The following ADD3 variants were observed in gnomAD, a reference collection of about 807,000 sequenced individuals.
ADD3 encodes the protein gamma-adducin.
A neutral mutation model predicts 80.2 loss-of-function variants in ADD3; 25 were observed. That is an observed-to-expected ratio of 0.31 (90% CI 0.23 to 0.44). The LOEUF is 0.44. Among genes scored for constraint, ADD3 ranks in the 20% least tolerant of loss-of-function variants. The probability of loss-of-function intolerance (pLI) is 1.00; values close to 1 mark genes in which losing one functional copy is unlikely to be tolerated. For missense variants in ADD3, 829 were observed against 847.5 expected (o/e 0.98, Z 0.27); for synonymous variants, 284 against 289.6 (o/e 0.98, Z 0.20).
intron 1 of ADD3, among the ~76,000 whole-genome samples, chr10:110,069,485 T>A (rs1844404657): frequency 6.6e-6 from 1 of 152,198 alleles, no homozygotes; most frequent in Non-Finnish European, 1.5e-5. Flanking sequence ...ATCAACAGCT[T>A]TCTGGGCCAG....
chr10:110,070,057 A>G (rs1455258832), intron 1 of ADD3, among the ~76,000 whole-genome samples: 1 of 152,240 alleles, frequency 6.6e-6, no homozygotes, highest in Non-Finnish European at 1.5e-5. Flanking sequence ...TTATTAAAAC[A>G]TATATTGTCT....
At chr10:110,093,316 C>A (rs74154975) in intron 1 of ADD3, among the ~76,000 whole-genome samples, 1,618 of 152,280 alleles carry the variant, frequency 0.011, 32 homozygotes, top group African/African-American at 0.038. Context: ...AGACCAATTT[C>A]TATTACCACT....
chr10:110,075,282 G>A (rs771095983), intron 1 of ADD3, among the ~76,000 whole-genome samples: 28 of 151,980 alleles, frequency 1.8e-4, no homozygotes, highest in Admixed American at 1.3e-4. Context: ...ATTCAGAAGG[G>A]AGAATATTTT....
chr10:110,032,019 T>G (rs1004526192), intron 1 of ADD3, among the ~76,000 whole-genome samples: 3 of 152,120 alleles, frequency 2.0e-5, no homozygotes, highest in South Asian at 2.1e-4. Context: ...CTTTCTCACC[T>G]GGAAAATCAG....
chr10:110,022,435 A>G (rs1449733149), intron 1 of ADD3, among the ~76,000 whole-genome samples: 1 of 152,170 alleles, frequency 6.6e-6, no homozygotes, highest in South Asian at 2.1e-4. Context: ...ATTACCTTTC[A>G]TATACCACTT....
chr10:110,056,993 T>C (rs1409786872), intron 1 of ADD3, among the ~76,000 whole-genome samples: 1 of 152,210 alleles, frequency 6.6e-6, no homozygotes, highest in East Asian at 1.9e-4. Context: ...TGAAAGTTCT[T>C]TGGATTCCTG....
rs936534032 is a variant in ADD3 at position 110,118,269 on chromosome 10, G to C, written c.568-318G>C. ...AGCCAATTCTATACATGCCAGACTT[G>C]TTCAGACCTCCGATGAAGAGCTTAA... is the stretch of plus-strand genomic sequence containing the variant. On this transcript the variant is annotated intron_variant, in intron 5 of 14. Transcript: ENST00000356080. Among the ~76,000 whole-genome samples, 3 of 152,174 alleles carry C rather than the reference G, an allele frequency of 2.0e-5. No homozygotes were observed. In the South Asian group the frequency reaches 6.2e-4, roughly 31 times the overall value.
chr10:110,055,048 A>G (rs1479632940), intron 1 of ADD3, among the ~76,000 whole-genome samples: 1 of 152,230 alleles, frequency 6.6e-6, no homozygotes, highest in East Asian at 1.9e-4. Flanking sequence ...AGCATGAGCC[A>G]CCGCACCCAG....
chr10:110,037,371 G>A (rs1042253211), intron 1 of ADD3, among the ~76,000 whole-genome samples: 2 of 152,228 alleles, frequency 1.3e-5, no homozygotes, highest in Non-Finnish European at 2.9e-5. Flanking sequence ...TTGGGAGGCC[G>A]AGGCAGGCGG....
intron 1 of ADD3, among the ~76,000 whole-genome samples, chr10:110,014,926 T>C (rs1466823884): frequency 6.6e-6 from 1 of 152,006 alleles, no homozygotes; most frequent in African/African-American, 2.4e-5. Flanking sequence ...CAGGCTGGAG[T>C]GCAGTGGCGT....
intron 1 of ADD3, among the ~76,000 whole-genome samples, chr10:110,087,714 T>C (rs1217241851): frequency 1.3e-5 from 2 of 152,230 alleles, no homozygotes; most frequent in Non-Finnish European, 1.5e-5. Context: ...TGCAAAGGTG[T>C]GCTATCTATT....
At position 110,135,238 on chromosome 10, in the gene ADD3, T is replaced by A. The variant is rs1853513731; in HGVS notation, c.*1620T>A. ...CTCTTGGTGGAAACTTTCAGTTGCT[T>A]AACTCTCTATTGGAAGATTTTTTTA... is the stretch of plus-strand genomic sequence containing the variant. On this transcript the variant is annotated 3_prime_UTR_variant, in exon 15 of 15. Transcript: ENST00000356080. 6.6e-6 allele frequency: 1 copy of A among 152,644 alleles called. No homozygotes were observed. Among genetic ancestry groups the A allele is most frequent in the South Asian group, 2.1e-4 (1 of 4,832 alleles). 9.5% of individuals were successfully genotyped at this position (152,644 alleles called of 1,614,324 possible).
intron 1 of ADD3, among the ~76,000 whole-genome samples, chr10:110,040,929 G>GCTCT (rs35429760): frequency 7.5e-6 from 1 of 133,826 alleles, no homozygotes; most frequent in Admixed American, 7.8e-5. Context: ...TCTCTCTCTC[G>GCTCT]CTCTCTCTCT....
chr10:110,082,077 G>C (rs1461289576), intron 1 of ADD3, among the ~76,000 whole-genome samples: 1 of 152,124 alleles, frequency 6.6e-6, no homozygotes, highest in Non-Finnish European at 1.5e-5. Context: ...ATTTGGCTAG[G>C]GTCCTGTGAC....
intron 10 of ADD3, 141 bp downstream of exon 10, chr10:110,124,415 G>T (rs1300634685): frequency 1.0e-6 from 1 of 986,938 alleles, no homozygotes; most frequent in Non-Finnish European, 1.5e-6. Flanking sequence ...TTAACTTTGT[G>T]CAAGACACTC....
intron 1 of ADD3, among the ~76,000 whole-genome samples, chr10:110,086,701 T>C (rs959870251): frequency 2.6e-5 from 4 of 152,176 alleles, no homozygotes; most frequent in African/African-American, 9.7e-5. Context: ...TCTGCCATGA[T>C]TGTAGGTTTC....
At chr10:110,042,643 A>G (rs1481452298) in intron 1 of ADD3, among the ~76,000 whole-genome samples, 1 of 151,492 alleles carries the variant, frequency 6.6e-6, no homozygotes, top group African/African-American at 2.4e-5. Context: ...CACTAATAAA[A>G]TATTAATAGT....
chr10:110,067,424 C>CG (rs1844099974), intron 1 of ADD3, among the ~76,000 whole-genome samples: 1 of 152,110 alleles, frequency 6.6e-6, no homozygotes. Flanking sequence ...TTCTTCCCTC[C>CG]ACCTCCCCTT....
intron 1 of ADD3, among the ~76,000 whole-genome samples, chr10:110,070,462 AAAATC>A (rs1225765854): frequency 2.0e-5 from 3 of 152,350 alleles, no homozygotes; most frequent in Admixed American, 6.5e-5. Flanking sequence ...TAAAAAATCT[AAAATC>A]AAAGTAGGTT....
Sources: allele counts gnomAD v4.1 joint callset (sites outside exome capture counted in the v4.1 genomes callset), GRCh38; gene constraint gnomAD v4.1.1; transcripts MANE v1.5; gene names NCBI Gene and HGNC (gene_info 2026-07-23, HGNC 2026-07-21).